HNRNPA1: variants seen among roughly 807,000 people sequenced by gnomAD.
HNRNPA1 encodes the protein heterogeneous nuclear ribonucleoprotein A1, also known as epididymis secretory sperm binding protein.
Under a neutral mutation model 44.4 loss-of-function variants are expected in HNRNPA1, and 7 were observed. The ratio of observed to expected loss-of-function variants is 0.16; its 90% CI spans 0.09 to 0.30. The LOEUF is 0.30. Among genes scored for constraint, HNRNPA1 ranks in the 10% least tolerant of loss-of-function variants. The pLI is 1.00. For missense variants in HNRNPA1, 193 were observed against 465.8 expected (o/e 0.41, Z 5.39); for synonymous variants, 169 against 160.6 (o/e 1.05, Z -0.40).
chr12:54,280,882 ATGC>A (rs1944147676), intron 1 of HNRNPA1, 60 bp downstream of exon 1: 11 of 1,585,638 alleles, frequency 6.9e-6, no homozygotes, highest in East Asian at 6.7e-5. Flanking sequence ...AATCGGTAAG[ATGC>A]TGCTGGGTTT....
intron 9 of HNRNPA1, 101 bp from the exon 10 acceptor site, chr12:54,284,157 T>G: frequency 7.2e-7 from 1 of 1,380,040 alleles, no homozygotes; most frequent in Non-Finnish European, 1.0e-6. Context: ...GTAGGGCCAT[T>G]TTTAAATGGC....
chr12:54,282,873 T>C lies in HNRNPA1; in HGVS notation c.750T>C (p.Asp250=), dbSNP rs1944198726. 1.3e-6 allele frequency: 2 copies of C among 1,550,006 alleles called. No homozygotes were observed. The highest frequency in any genetic ancestry group is 4.9e-5 in the East Asian group (2 of 40,920). The change falls in exon 7 of 11, where the codon GAT becomes GAC. Residue 250 remains aspartate (D), a splice_region_variant and synonymous_variant. Transcript: ENST00000340913. ...SGDGYNGFGN[D]GGYGGGGPGY... The stretch of plus-strand genomic sequence containing the variant: ...ATGGCTATAATGGATTTGGTAATGA[T>C]GGTAAGTTTTTTAGGAATAAGTAGA...
intron 1 of HNRNPA1, 157 bp downstream of exon 1, chr12:54,280,979 C>T (rs769721048): frequency 2.5e-6 from 2 of 807,404 alleles, no homozygotes; most frequent in South Asian, 1.4e-5. Context: ...CCATTTTGTC[C>T]TCTTGATCGC....
intron 8 of HNRNPA1, among the ~76,000 whole-genome samples, chr12:54,283,446 A>G (rs531528141): frequency 6.6e-6 from 1 of 152,302 alleles, no homozygotes; most frequent in Non-Finnish European, 1.5e-5. Context: ...GAGTTAGATT[A>G]GTATCATAGA....
rs757679796 is a variant in HNRNPA1, at chr12:54,280,787, G to C, written c.-21G>C. ...ACGCCGCCGAAGAAGCATCGTTAAA[G>C]TCTCTCTTCACCCTGCCGTCATGTC... On this transcript the variant is annotated 5_prime_UTR_variant, in exon 1 of 11. Coordinates refer to ENST00000340913, the MANE Select transcript of HNRNPA1 (RefSeq NM_031157.4). The C allele has an allele frequency of 2.5e-6, 4 of 1,614,066 alleles. No homozygotes were observed. The African/African-American group carries it at 5.3e-5, about 22-fold the overall frequency.
intron 6 of HNRNPA1, 37 bp downstream of exon 6, chr12:54,282,702 C>A (rs763018472): frequency 6.3e-7 from 1 of 1,595,544 alleles, no homozygotes; most frequent in Non-Finnish European, 8.6e-7. Context: ...TCTGACTTCT[C>A]ACCATCTTTG....
chr12:54,282,566 T>A lies in HNRNPA1; in HGVS notation c.584-7T>A. On this transcript the variant is annotated splice_polypyrimidine_tract_variant and splice_region_variant and intron_variant, in intron 5 of 10. Transcript: ENST00000340913. ...AATGATTTAATGCTTAAACTTCATG[T>A]CTTAAGGTCGAAGTGGTTCTGGAAA... 6.2e-7 allele frequency: 1 copy of A among 1,613,678 alleles called. No homozygotes were observed. The highest frequency in any genetic ancestry group is 1.1e-5 in the South Asian group (1 of 91,076).
At chr12:54,284,063 C>G (rs1944225683) in intron 9 of HNRNPA1, 96 bp downstream of exon 9, 2 of 1,442,374 alleles carry the variant, frequency 1.4e-6, no homozygotes, top group Admixed American at 2.2e-5. Flanking sequence ...GGCAGCAAAA[C>G]GTTTATAGTT....
At chr12:54,284,340 G>A (rs1944233470) in intron 10 of HNRNPA1, 23 bp downstream of exon 10, 2 of 1,605,490 alleles carry the variant, frequency 1.2e-6, no homozygotes, top group Admixed American at 3.3e-5. Flanking sequence ...CTTTTTGTGT[G>A]TTGACATAAT....
At chr12:54,283,016 C>T in intron 7 of HNRNPA1, 63 bp from the exon 8 acceptor site, 3 of 1,576,764 alleles carry the variant, frequency 1.9e-6, no homozygotes, top group Non-Finnish European at 2.6e-6. Flanking sequence ...TCAGCCGTTA[C>T]ACTTGCACAA....
rs368658452 is a variant in HNRNPA1 at position 54,280,774 on chromosome 12, A to C, written c.-34A>C. 7.4e-6 allele frequency: 12 copies of C among 1,613,914 alleles called. No homozygotes were observed. The highest frequency in any genetic ancestry group is 1.1e-5 in the South Asian group (1 of 91,082). ...TTTCTGCCCGTGGACGCCGCCGAAG[A>C]AGCATCGTTAAAGTCTCTCTTCACC... On this transcript the variant is annotated 5_prime_UTR_variant, in exon 1 of 11. Coordinates refer to ENST00000340913, the MANE Select transcript of HNRNPA1 (RefSeq NM_031157.4).
chr12:54,280,900 C>T, intron 1 of HNRNPA1, 78 bp downstream of exon 1: 2 of 1,487,376 alleles, frequency 1.3e-6, no homozygotes, highest in Non-Finnish European at 1.9e-6. Flanking sequence ...GGGTTTCGTT[C>T]CTTGCACCAG....
At chr12:54,280,905 C>A in intron 1 of HNRNPA1, 83 bp downstream of exon 1, 2 of 1,458,222 alleles carry the variant, frequency 1.4e-6, no homozygotes, top group Non-Finnish European at 1.9e-6. Flanking sequence ...TCGTTCCTTG[C>A]ACCAGCCCAT....
At position 54,284,249 on chromosome 12, in the gene HNRNPA1, A is replaced by G. The variant is rs1818482227; in HGVS notation, c.1064-9A>G. The G allele has an allele frequency of 2.5e-6, 4 of 1,612,546 alleles. No homozygotes were observed. The highest frequency in any genetic ancestry group is 3.4e-5 in the Admixed American group (2 of 59,684). On this transcript the variant is annotated splice_polypyrimidine_tract_variant and intron_variant, in intron 9 of 10. Coordinates refer to ENST00000340913, the MANE Select transcript of HNRNPA1 (RefSeq NM_031157.4). The stretch of plus-strand genomic sequence containing the variant: ...TTTGAAACTTTAAAAGAAAAATTGT[A>G]CTTTTCAGGTGGCTATGGCGGTTCC...
rs1944174135 is a variant in HNRNPA1 at position 54,281,692 on chromosome 12, T to C, written c.133-103T>C. ...GGTAGTGGGAAACTGGACGACTTTT[T>C]ATAAAAGGCTGGTGTAAAGTTTCCT... On this transcript the variant is annotated intron_variant, in intron 2 of 10. Coordinates refer to ENST00000340913, the MANE Select transcript of HNRNPA1 (RefSeq NM_031157.4). The C allele has an allele frequency of 2.3e-6, 3 of 1,289,112 alleles. No individual in the cohort carries two copies. The South Asian group carries it at 4.1e-5, about 18-fold the overall frequency. The allele number at this position is 1,289,112 out of a possible 1,614,324, so 79.9% of individuals were successfully genotyped here.
chr12:54,280,750 T>G lies in HNRNPA1; in HGVS notation c.-58T>G, dbSNP rs560484527. On this transcript the variant is annotated 5_prime_UTR_variant, in exon 1 of 11. Coordinates refer to ENST00000340913, the MANE Select transcript of HNRNPA1 (RefSeq NM_031157.4). ...CAGATACGTTCGTCAGCTTGCTCCTTTCTGCCCGTGGACGCCGCCGAAGAA... is the reference window on the plus strand; with the variant it reads ...CAGATACGTTCGTCAGCTTGCTCCTGTCTGCCCGTGGACGCCGCCGAAGAA... 1.2e-6 allele frequency: 2 copies of G among 1,609,580 alleles called. No individual in the cohort carries two copies. Among genetic ancestry groups the G allele is most frequent in the East Asian group, 4.5e-5 (2 of 44,852 alleles).
In HNRNPA1 at chr12:54,286,100, G is replaced by T. The variant is rs1944259416; in HGVS notation, c.*1556G>T. ...GAGCTCAGACACTCTACAGCTGAGA[G>T]TAGACACTTGTGGTATGTGGAGTAC... On this transcript the variant is annotated 3_prime_UTR_variant, in exon 11 of 11. Coordinates refer to ENST00000340913, the MANE Select transcript of HNRNPA1 (RefSeq NM_031157.4). The T allele has an allele frequency of 6.6e-6, 1 of 152,186 alleles. No individual in the cohort carries two copies. The highest frequency in any genetic ancestry group is 2.4e-5 in the African/African-American group (1 of 41,430). The allele number at this position is 152,186 out of a possible 1,614,324, so 9.4% of individuals were successfully genotyped here. A position where few individuals can be genotyped will look rare whatever the true frequency, so the allele number is the denominator to read the frequency against.
rs1251276171 is a variant in HNRNPA1 at position 54,285,688 on chromosome 12, A to G, written c.*1144A>G. ...TAAAATGTTAATTGTATAGAAAATG[A>G]TTTCTAAACCTTTAACAGTTAATAT... is the stretch of plus-strand genomic sequence containing the variant. On this transcript the variant is annotated 3_prime_UTR_variant, in exon 11 of 11. Transcript: ENST00000340913. 6.6e-6 allele frequency: 1 copy of G among 152,166 alleles called. No individual in the cohort carries two copies. Among genetic ancestry groups the G allele is most frequent in the Non-Finnish European group, 1.5e-5 (1 of 68,042 alleles). The allele number at this position is 152,166 out of a possible 1,614,324, so 9.4% of individuals were successfully genotyped here.
chr12:54,284,422 C>T, intron 10 of HNRNPA1, 105 bp downstream of exon 10: 1 of 1,037,686 alleles, frequency 9.6e-7, no homozygotes, highest in Non-Finnish European at 1.5e-6. Context: ...ATTATAATTG[C>T]AGTAATTGTG....
Sources: allele counts gnomAD v4.1 joint callset (sites outside exome capture counted in the v4.1 genomes callset), GRCh38; gene constraint gnomAD v4.1.1; transcripts MANE v1.5; gene names NCBI Gene and HGNC (gene_info 2026-07-23, HGNC 2026-07-21).